The following RLF variants were observed in gnomAD, a reference collection of about 807,000 sequenced individuals.
The protein encoded by RLF is RLF zinc finger.
A neutral mutation model predicts 162.9 loss-of-function variants in RLF; 7 were observed. That is an observed-to-expected ratio of 0.04 (90% CI 0.02 to 0.08). The LOEUF is 0.08. Ranked by LOEUF, RLF falls within the 10% of genes least tolerant of loss-of-function variation. RLF has a pLI of 1.00. For synonymous variants in RLF, 782 were observed against 791.5 expected (o/e 0.99, Z 0.20); for missense variants, 1,664 against 2,244.7 (o/e 0.74, Z 5.23).
intron 4 of RLF, among the ~76,000 whole-genome samples, chr1:40,196,274 A>G (rs972269574): frequency 6.6e-6 from 1 of 151,638 alleles, no homozygotes; most frequent in Non-Finnish European, 1.5e-5. Flanking sequence ...AGGCGTTACC[A>G]TGTTGGTCAG....
chr1:40,184,646 A>C (rs1225068880), intron 1 of RLF, among the ~76,000 whole-genome samples: 1 of 152,174 alleles, frequency 6.6e-6, no homozygotes, highest in Non-Finnish European at 1.5e-5. Context: ...ATTTGAGGGT[A>C]ATCTGCTTGG....
rs1346421323 is a variant in RLF at position 40,236,985 on chromosome 1, C to T, written c.2283C>T (p.Asn761=). 10 of 1,613,962 alleles carry T rather than the reference C, an allele frequency of 6.2e-6. No homozygotes were observed. Among genetic ancestry groups the T allele is most frequent in the Non-Finnish European group, 7.6e-6 (9 of 1,179,986 alleles). The change falls in exon 8 of 8, where the codon AAC becomes AAT. Residue 761 remains asparagine (N), a synonymous_variant. Transcript: ENST00000372771. This position sits in a 1 kb window ranked among gnomAD's most constrained non-coding sequence, Gnocchi z 7.7. ...ARFGSVNELL[N]HKQKHDDLRY... ...TTGGATCAGTAAATGAACTACTTAA[C>T]CATAAACAAAAGCATGACGATCTGC...
At chr1:40,169,642 A>T (rs1012157859) in intron 1 of RLF, among the ~76,000 whole-genome samples, 4 of 151,312 alleles carry the variant, frequency 2.6e-5, no homozygotes, top group Admixed American at 6.6e-5. Context: ...AAAAAAAAAA[A>T]AAATAAGTGC....
chr1:40,170,950 T>C (rs191004334), intron 1 of RLF, among the ~76,000 whole-genome samples: 3 of 152,152 alleles, frequency 2.0e-5, no homozygotes, highest in Non-Finnish European at 4.4e-5. Flanking sequence ...GTTATTATTA[T>C]TAGTAGTAGT....
intron 1 of RLF, among the ~76,000 whole-genome samples, chr1:40,174,195 A>AGG (rs1339095881): frequency 2.6e-5 from 4 of 151,924 alleles, no homozygotes; most frequent in Non-Finnish European, 4.4e-5. Flanking sequence ...AGATGGTAAA[A>AGG]CCCTGTCTCT....
At chr1:40,193,753 T>C (rs1490930595) in intron 3 of RLF, among the ~76,000 whole-genome samples, 2 of 151,920 alleles carry the variant, frequency 1.3e-5, no homozygotes, top group African/African-American at 4.8e-5. Context: ...ATGCAACATA[T>C]TGGGTGGGTG....
intron 4 of RLF, among the ~76,000 whole-genome samples, chr1:40,196,423 T>G (rs537892566): frequency 4.6e-4 from 70 of 152,222 alleles, no homozygotes; most frequent in Middle Eastern, 3.4e-3. Context: ...GAAAAAAGTT[T>G]TTTTTATTTT....
intron 5 of RLF, among the ~76,000 whole-genome samples, chr1:40,212,896 C>G (rs1642881199): frequency 6.6e-6 from 1 of 152,096 alleles, no homozygotes. Context: ...TATAGAAATT[C>G]CAGATGTAGT....
rs188652822 is a variant in RLF at position 40,166,923 on chromosome 1, C to T, written c.237+5287C>T. On this transcript the variant is annotated intron_variant, in intron 1 of 7. Transcript: ENST00000372771. ...AATGTAAATGACGAGTTAATGGGTA[C>T]AGCACACCAACATGGCACATGTGTG... Among the ~76,000 whole-genome samples, 5 of 151,860 alleles carry T rather than the reference C, an allele frequency of 3.3e-5. No individual in the cohort carries two copies. In the East Asian group the frequency reaches 7.8e-4, roughly 24 times the overall value.
chr1:40,237,974 G>A lies in RLF; in HGVS notation c.3272G>A (p.Ser1091Asn). The A allele has an allele frequency of 6.2e-7, 1 of 1,614,100 alleles. No individual in the cohort carries two copies. The highest frequency in any genetic ancestry group is 8.5e-7 in the Non-Finnish European group (1 of 1,179,984). The change falls in exon 8 of 8, where the codon AGT (serine) becomes AAT (asparagine). Residue 1091 changes from serine to asparagine, a missense_variant. Physicochemically the swap from Ser to Asn is conservative, Grantham distance 46 (BLOSUM62 1). Coordinates refer to ENST00000372771, the MANE Select transcript of RLF (RefSeq NM_012421.4). The surrounding 1 kb of genome is among the most constrained non-coding windows in gnomAD (Gnocchi z 4.4). The stretch of plus-strand genomic sequence containing the variant: ...GGGTCATTGCAGGGGTACCCATCCA[G>A]TGGTGCTAAGTCTCTTCAGTCAGTT... ...FSGSLQGYPSSGAKSLQSVSS... is the reference protein window; with the variant it reads ...FSGSLQGYPSNGAKSLQSVSS...
At chr1:40,217,930 A>G (rs1368579868) in intron 5 of RLF, among the ~76,000 whole-genome samples, 1 of 152,208 alleles carries the variant, frequency 6.6e-6, no homozygotes, top group Non-Finnish European at 1.5e-5. Context: ...TGTAACGTGT[A>G]TGTAGACATA....
intron 5 of RLF, among the ~76,000 whole-genome samples, chr1:40,216,050 G>C (rs1570550994): frequency 6.6e-6 from 1 of 151,936 alleles, no homozygotes; most frequent in East Asian, 1.9e-4. Context: ...CAAGAACAAA[G>C]AGAATACTCA....
At chr1:40,194,413 T>C (rs968367774) in intron 3 of RLF, among the ~76,000 whole-genome samples, 1 of 151,954 alleles carries the variant, frequency 6.6e-6, no homozygotes, top group Non-Finnish European at 1.5e-5. Context: ...CTGAGGCAGG[T>C]GGATCACCTG....
rs763434695 is a variant in RLF, at chr1:40,231,591, G to A, written c.1022G>A (p.Arg341His). The A allele has an allele frequency of 1.4e-5, 23 of 1,613,930 alleles. No homozygotes were observed. The highest frequency in any genetic ancestry group is 1.3e-4 in the African/African-American group (10 of 74,910). ...TTAGATACTTTTTTGGAGCGCTGTC[G>A]TCAGTTTGGTGTCATAGCTAAAACG... Reference protein sequence around the residue: ...PSLDTFLERCRQFGVIAKTQQ... With the variant: ...PSLDTFLERCHQFGVIAKTQQ... The change falls in exon 7 of 8, where the codon CGT becomes CAT. Residue 341 changes from arginine to histidine, a missense_variant. Physicochemically the swap from Arg to His is conservative, Grantham distance 29 (BLOSUM62 0). Transcript: ENST00000372771.
intron 5 of RLF, among the ~76,000 whole-genome samples, chr1:40,218,224 A>C: frequency 6.6e-6 from 1 of 152,238 alleles, no homozygotes; most frequent in East Asian, 1.9e-4. Flanking sequence ...TGTGGAAATC[A>C]GCAAAAAGTA....
At chr1:40,230,110 G>A (rs376692825) in intron 6 of RLF, among the ~76,000 whole-genome samples, 8 of 147,456 alleles carry the variant, frequency 5.4e-5, no homozygotes, top group South Asian at 4.2e-4. Flanking sequence ...GCAAAGCTCC[G>A]TCTCAAAAAA....
At chr1:40,162,908 C>A (rs1031914098) in intron 1 of RLF, among the ~76,000 whole-genome samples, 1 of 152,156 alleles carries the variant, frequency 6.6e-6, no homozygotes, top group Non-Finnish European at 1.5e-5. Context: ...TTACTGACTT[C>A]ATAGGATAGT....
intron 6 of RLF, among the ~76,000 whole-genome samples, chr1:40,229,548 G>A (rs572293682): frequency 1.3e-4 from 19 of 143,540 alleles, no homozygotes; most frequent in East Asian, 2.2e-4. Context: ...TCCACCTCCC[G>A]GGTTCAAGCA....
chr1:40,185,677 A>T (rs1197490871), intron 1 of RLF, among the ~76,000 whole-genome samples: 23 of 142,566 alleles, frequency 1.6e-4, no homozygotes, highest in Admixed American at 1.3e-3. Context: ...AAAAAAAAAA[A>T]ATTAGCCGGG....
Sources: gnomAD v4.1 joint callset for allele counts (sites outside exome capture counted in the v4.1 genomes callset) on GRCh38, gnomAD v4.1.1 for gene constraint, Gnocchi (gnomAD v3.1) non-coding constraint, MANE v1.5 for transcripts, NCBI Gene and HGNC (gene_info 2026-07-23, HGNC 2026-07-21) for gene names.